The following DLC1 variants were observed in gnomAD, a reference collection of about 807,000 sequenced individuals.
DLC1 encodes the protein rho GTPase-activating protein 7.
A neutral mutation model predicts 140.3 loss-of-function variants in DLC1; 54 were observed. The observed-to-expected ratio is 0.38, with a 90% CI of 0.31 to 0.48. DLC1 has a LOEUF of 0.48. Ranked by LOEUF, DLC1 falls within the 20% of genes least tolerant of loss-of-function variation. DLC1 has a pLI of 0.96. For missense variants in DLC1, 2,536 were observed against 1,907.0 expected, an observed-to-expected ratio of 1.33 and a Z score of -6.14; for synonymous variants, 986 against 728.1, an observed-to-expected ratio of 1.35 and a Z score of -5.70.
At chr8:13,597,016 C>T (rs1805704242) in intron 1 of DLC1, among the ~76,000 whole-genome samples, 1 of 151,850 alleles carries the variant, frequency 6.6e-6, no homozygotes, top group Admixed American at 6.6e-5. Context: ...GATTGGCACT[C>T]TGACGTCATC....
chr8:13,368,097 T>G (rs182528472), intron 4 of DLC1, among the ~76,000 whole-genome samples: 2 of 152,294 alleles, frequency 1.3e-5, no homozygotes, highest in Admixed American at 6.5e-5. Flanking sequence ...TCCAAACAGC[T>G]GAATTTAATC....
chr8:13,355,759 C>G (rs1293577336), intron 4 of DLC1, among the ~76,000 whole-genome samples: 1 of 152,038 alleles, frequency 6.6e-6, no homozygotes, highest in African/African-American at 2.4e-5. Flanking sequence ...TTTGGCATCT[C>G]TAACACAAAG....
chr8:13,188,722 T>G (rs955053547), intron 5 of DLC1, among the ~76,000 whole-genome samples: 52 of 146,578 alleles, frequency 3.5e-4, no homozygotes, highest in African/African-American at 1.3e-3. Context: ...ACAATTCTCT[T>G]GCCTGAGCCT....
intron 4 of DLC1, among the ~76,000 whole-genome samples, chr8:13,353,955 G>C (rs1834801640): frequency 6.6e-6 from 1 of 152,034 alleles, no homozygotes; most frequent in African/African-American, 2.4e-5. Context: ...GGTTGAAAGT[G>C]AAAGAGGCTG....
At chr8:13,395,395 C>T (rs553999669) in intron 3 of DLC1, among the ~76,000 whole-genome samples, 7 of 152,220 alleles carry the variant, frequency 4.6e-5, no homozygotes, top group African/African-American at 1.4e-4. Flanking sequence ...GCTGGGATTG[C>T]GCGCATGAGC....
chr8:13,556,765 A>G (rs1804060231), intron 1 of DLC1, among the ~76,000 whole-genome samples: 2 of 152,332 alleles, frequency 1.3e-5, no homozygotes, highest in African/African-American at 4.8e-5. Flanking sequence ...TGGGAAAAAC[A>G]TATGCTTATT....
intron 1 of DLC1, among the ~76,000 whole-genome samples, chr8:13,506,008 T>G (rs915163524): frequency 6.6e-6 from 1 of 152,206 alleles, no homozygotes; most frequent in African/African-American, 2.4e-5. Flanking sequence ...TCCCATCAAA[T>G]GCAGGTATCT....
chr8:13,344,097 C>T (rs1834201389), intron 4 of DLC1, among the ~76,000 whole-genome samples: 1 of 152,144 alleles, frequency 6.6e-6, no homozygotes, highest in South Asian at 2.1e-4. Flanking sequence ...TTATTTGCTC[C>T]TTTTTCTTTC....
At chr8:13,596,990 GT>G (rs956275055) in intron 1 of DLC1, among the ~76,000 whole-genome samples, 1 of 151,696 alleles carries the variant, frequency 6.6e-6, no homozygotes, top group Non-Finnish European at 1.5e-5. Context: ...TTCTATGTTC[GT>G]TTGTTTGAAG....
chr8:13,417,545 C>G (rs75289409), intron 2 of DLC1, among the ~76,000 whole-genome samples: 1 of 151,030 alleles, frequency 6.6e-6, no homozygotes, highest in African/African-American at 2.5e-5. Flanking sequence ...TGAACTCATC[C>G]TTTTTTATGG....
At chr8:13,393,185 C>A (rs1288067075) in intron 4 of DLC1, among the ~76,000 whole-genome samples, 1 of 152,102 alleles carries the variant, frequency 6.6e-6, no homozygotes, top group African/African-American at 2.4e-5. Flanking sequence ...GTCTATCATT[C>A]ATCACATCTT....
chr8:13,357,385 A>C (rs997017570), intron 4 of DLC1, among the ~76,000 whole-genome samples: 2 of 152,236 alleles, frequency 1.3e-5, no homozygotes, highest in African/African-American at 2.4e-5. Context: ...TCTTTGGACA[A>C]ATTTACCCCA....
In DLC1 at chr8:13,316,010, A is replaced by C. The variant is rs559021483; in HGVS notation, c.1315-10708T>G. On this transcript the variant is annotated intron_variant, in intron 4 of 17. Transcript: ENST00000276297. ...AAATCTGAAAGACTACTAAGTGATA[A>C]ACAGCCTCTCCTTCCCTGACCCCTT... Among the ~76,000 whole-genome samples the C allele has an allele frequency of 5.9e-5, 9 of 152,346 alleles. No homozygotes were observed. In the South Asian group the frequency reaches 1.9e-3, roughly 32 times the overall value.
At chr8:13,162,303 T>A (rs1032873853) in intron 5 of DLC1, among the ~76,000 whole-genome samples, 5 of 136,530 alleles carry the variant, frequency 3.7e-5, no homozygotes, top group African/African-American at 1.4e-4. Flanking sequence ...ATGATGGTAG[T>A]CTACAGTTTG....
intron 4 of DLC1, among the ~76,000 whole-genome samples, chr8:13,350,093 A>G (rs1187802422): frequency 2.6e-5 from 4 of 152,190 alleles, no homozygotes; most frequent in African/African-American, 9.6e-5. Flanking sequence ...TCCTGGCCAG[A>G]TCAAATGACG....
intron 2 of DLC1, among the ~76,000 whole-genome samples, chr8:13,427,153 C>G (rs1207848561): frequency 6.6e-6 from 1 of 152,190 alleles, no homozygotes; most frequent in African/African-American, 2.4e-5. Flanking sequence ...GGCTCTCTCC[C>G]TGCCTACTCA....
chr8:13,483,378 A>G (rs1010022078), intron 2 of DLC1, among the ~76,000 whole-genome samples: 17 of 152,174 alleles, frequency 1.1e-4, no homozygotes, highest in African/African-American at 4.1e-4. Context: ...TTCAATCACT[A>G]CAGTATGGAT....
At chr8:13,349,879 A>T (rs1236766267) in intron 4 of DLC1, among the ~76,000 whole-genome samples, 4 of 152,168 alleles carry the variant, frequency 2.6e-5, no homozygotes, top group African/African-American at 9.7e-5. Context: ...ATGGGTTTGG[A>T]GGTGAATGTA....
intron 1 of DLC1, among the ~76,000 whole-genome samples, chr8:13,520,433 C>T (rs546116397): frequency 6.6e-6 from 1 of 151,860 alleles, no homozygotes; most frequent in Non-Finnish European, 1.5e-5. Flanking sequence ...TGGGAACTCA[C>T]GGACACAGGG....
Sources: gnomAD v4.1 joint callset for allele counts (sites outside exome capture counted in the v4.1 genomes callset) on GRCh38, gnomAD v4.1.1 for gene constraint, MANE v1.5 for transcripts, NCBI Gene and HGNC (gene_info 2026-07-23, HGNC 2026-07-21) for gene names.